The following COL4A1 variants were observed in gnomAD, a reference collection of about 807,000 sequenced individuals.
COL4A1 encodes collagen type IV alpha 1 chain, also known as collagen alpha-1(IV) chain.
COL4A1 carries 40 observed loss-of-function variants against 216.6 expected under a neutral mutation model. That is an observed-to-expected ratio of 0.18 (90% CI 0.14 to 0.24). The LOEUF is 0.24. Ranked by LOEUF, COL4A1 falls within the 10% of genes least tolerant of loss-of-function variation. The pLI, the probability that COL4A1 is intolerant of heterozygous loss-of-function variation, is 1.00. For synonymous variants in COL4A1, 839 were observed against 810.7 expected (o/e 1.03, Z -0.59); for missense variants, 1,628 against 2,196.8 (o/e 0.74, Z 5.18).
intron 4 of COL4A1, among the ~76,000 whole-genome samples, chr13:110,213,123 A>G (rs565852072): frequency 1.3e-5 from 2 of 152,270 alleles, no homozygotes; most frequent in African/African-American, 4.8e-5. Flanking sequence ...GGTGGGGGGA[A>G]GGCTGGAAGG....
chr13:110,166,005 T>A (rs533430851), intron 45 of COL4A1, among the ~76,000 whole-genome samples: 1 of 152,082 alleles, frequency 6.6e-6, no homozygotes, highest in Non-Finnish European at 1.5e-5. Context: ...TCCCCTGGAG[T>A]TCCCTCAGTC....
At chr13:110,251,297 C>T (rs1412164192) in intron 1 of COL4A1, among the ~76,000 whole-genome samples, 2 of 152,248 alleles carry the variant, frequency 1.3e-5, no homozygotes, top group Non-Finnish European at 2.9e-5. Context: ...CAACATCTGA[C>T]TCCCAAGCCC....
At chr13:110,262,869 C>T (rs1423643271) in intron 1 of COL4A1, among the ~76,000 whole-genome samples, 1 of 152,174 alleles carries the variant, frequency 6.6e-6, no homozygotes, top group East Asian at 1.9e-4. Flanking sequence ...TATTTCATTT[C>T]AAGGGCTGCA....
chr13:110,204,257 T>C lies in COL4A1; in HGVS notation c.958-650A>G, dbSNP rs1202920708. 2.0e-5 allele frequency among the ~76,000 whole-genome samples: 3 copies of C among 152,212 alleles called. No individual in the cohort carries two copies. The East Asian group carries it at 5.8e-4, about 29-fold the overall frequency. On this transcript the variant is annotated intron_variant, in intron 17 of 51. Coordinates refer to ENST00000375820, the MANE Select transcript of COL4A1 (RefSeq NM_001845.6). ...ATATGTACATTTTACCATGAATGTA[T>C]ATATTTTCCTTTTAAATTAAGGCAG...
chr13:110,273,771 C>A (rs969470200), intron 1 of COL4A1, among the ~76,000 whole-genome samples: 2 of 152,194 alleles, frequency 1.3e-5, no homozygotes, highest in Non-Finnish European at 2.9e-5. Flanking sequence ...CAGTGCTGCA[C>A]AGATGTGGCT....
At chr13:110,229,535 C>A (rs1880909310) in intron 2 of COL4A1, among the ~76,000 whole-genome samples, 1 of 152,194 alleles carries the variant, frequency 6.6e-6, no homozygotes, top group East Asian at 1.9e-4. Flanking sequence ...GTGCTGTGTT[C>A]TGAATGTCCA....
At position 110,167,206 on chromosome 13, in the gene COL4A1, T is replaced by C; in HGVS notation, c.3901A>G (p.Thr1301Ala). 1 of 1,614,054 alleles carries C rather than the reference T, an allele frequency of 6.2e-7. No homozygotes were observed. Among genetic ancestry groups the C allele is most frequent in the South Asian group, 1.1e-5 (1 of 91,078 alleles). ...MPGIGGSPGI[T>A]GSKGDMGPPG... is the part of the protein sequence containing the mutation. ...GGCCCCATATCACCCTTAGAGCCTG[T>C]GATTCCTGGAGAGCCACCAATACCC... The change falls in exon 44 of 52, where the codon ACA becomes GCA. Residue 1301 changes from threonine (T) to alanine (A), a missense_variant. Coordinates refer to ENST00000375820, the MANE Select transcript of COL4A1 (RefSeq NM_001845.6).
At chr13:110,261,110 A>G (rs1005304891) in intron 1 of COL4A1, among the ~76,000 whole-genome samples, 2 of 151,396 alleles carry the variant, frequency 1.3e-5, no homozygotes, top group African/African-American at 2.4e-5. Flanking sequence ...TAAAAATGTG[A>G]AAAAGATTTG....
chr13:110,194,560 T>C (rs1878790898), intron 22 of COL4A1, among the ~76,000 whole-genome samples: 2 of 152,162 alleles, frequency 1.3e-5, no homozygotes, highest in African/African-American at 4.8e-5. Flanking sequence ...AGCTGGTTAA[T>C]GCATCAACGG....
intron 2 of COL4A1, among the ~76,000 whole-genome samples, chr13:110,237,397 C>T (rs1416094762): frequency 1.3e-5 from 2 of 152,162 alleles, no homozygotes; most frequent in East Asian, 3.9e-4. Flanking sequence ...CACCCCCCGC[C>T]AGGAGACATT....
chr13:110,242,462 A>G (rs1409074736), intron 2 of COL4A1, among the ~76,000 whole-genome samples: 3 of 152,244 alleles, frequency 2.0e-5, no homozygotes, highest in Non-Finnish European at 4.4e-5. Context: ...ATTGCCACAT[A>G]CTATTACATT....
chr13:110,271,303 G>C (rs149882227), intron 1 of COL4A1, among the ~76,000 whole-genome samples: 1 of 152,164 alleles, frequency 6.6e-6, no homozygotes, highest in African/African-American at 2.4e-5. Flanking sequence ...GGAGAAGCAA[G>C]ATATTCATAC....
At chr13:110,252,675 A>ATACAAAATGTAT (rs1882188404) in intron 1 of COL4A1, among the ~76,000 whole-genome samples, 1 of 140,240 alleles carries the variant, frequency 7.1e-6, no homozygotes, top group Admixed American at 7.6e-5. Context: ...ATATACATAT[A>ATACAAAATGTAT]ATATGTATAT....
intron 2 of COL4A1, among the ~76,000 whole-genome samples, chr13:110,240,669 G>A (rs985501331): frequency 2.1e-4 from 32 of 152,220 alleles, no homozygotes; most frequent in Admixed American, 1.2e-3. Flanking sequence ...GCTGGACACC[G>A]CCTCCCCTGC....
At chr13:110,246,983 T>C (rs936650156) in intron 1 of COL4A1, among the ~76,000 whole-genome samples, 3 of 152,122 alleles carry the variant, frequency 2.0e-5, no homozygotes, top group Non-Finnish European at 4.4e-5. Context: ...GGCGGGGGTC[T>C]CGGTCTCTCT....
chr13:110,267,214 G>A (rs1883073972), intron 1 of COL4A1, among the ~76,000 whole-genome samples: 3 of 152,184 alleles, frequency 2.0e-5, no homozygotes, highest in African/African-American at 4.8e-5. Flanking sequence ...ACAGGCGAGG[G>A]GAAGGACCTC....
intron 29 of COL4A1, among the ~76,000 whole-genome samples, chr13:110,180,347 G>A (rs1187592880): frequency 6.6e-6 from 1 of 152,234 alleles, no homozygotes; most frequent in Admixed American, 6.5e-5. Context: ...GTTGTACAAA[G>A]ACAAAGGTCC....
chr13:110,259,282 T>C (rs1882707848), intron 1 of COL4A1, among the ~76,000 whole-genome samples: 1 of 152,344 alleles, frequency 6.6e-6, no homozygotes, highest in Middle Eastern at 3.4e-3. Flanking sequence ...CCTAATTAGG[T>C]GGTTCTAACT....
chr13:110,285,740 G>C (rs961061791), intron 1 of COL4A1, among the ~76,000 whole-genome samples: 1 of 152,116 alleles, frequency 6.6e-6, no homozygotes, highest in Admixed American at 6.5e-5. Context: ...TCCTGCCCCT[G>C]GTGCTCCCAG....
Sources: gnomAD v4.1 joint callset for allele counts (sites outside exome capture counted in the v4.1 genomes callset) on GRCh38, gnomAD v4.1.1 for gene constraint, MANE v1.5 for transcripts, NCBI Gene and HGNC (gene_info 2026-07-23, HGNC 2026-07-21) for gene names.